PEX14: variants seen among roughly 807,000 people sequenced by gnomAD.
PEX14 encodes peroxisomal biogenesis factor 14.
PEX14 carries 15 observed loss-of-function variants against 49.5 expected under a neutral mutation model. The ratio of observed to expected loss-of-function variants is 0.30; its 90% confidence interval spans 0.20 to 0.47. PEX14 has a LOEUF of 0.47. Ranked by LOEUF, PEX14 falls within the 20% of genes least tolerant of loss-of-function variation. The pLI, the probability that PEX14 is intolerant of heterozygous loss-of-function variation, is 1.00. For synonymous variants in PEX14, 210 were observed against 212.7 expected (o/e 0.99, Z 0.11); for missense variants, 398 against 494.8 (o/e 0.80, Z 1.86).
chr1:10,595,561 A>G (rs899508065), intron 3 of PEX14, among the ~76,000 whole-genome samples: 1 of 152,206 alleles, frequency 6.6e-6, no homozygotes, highest in African/African-American at 2.4e-5. Context: ...GGTAATGCAT[A>G]TTGATACCTC....
chr1:10,553,418 C>T (rs997115820), intron 3 of PEX14, among the ~76,000 whole-genome samples: 7 of 152,156 alleles, frequency 4.6e-5, no homozygotes, highest in African/African-American at 1.4e-4. Flanking sequence ...TGGCCAGAGG[C>T]GGATGCCCCA....
chr1:10,534,097 T>G (rs1318681345), intron 2 of PEX14, among the ~76,000 whole-genome samples: 1 of 152,252 alleles, frequency 6.6e-6, no homozygotes, highest in Non-Finnish European at 1.5e-5. Flanking sequence ...GGAGCTGTAC[T>G]ACTAGCATCT....
chr1:10,592,923 A>C (rs1048795533), intron 3 of PEX14, among the ~76,000 whole-genome samples: 2 of 152,094 alleles, frequency 1.3e-5, no homozygotes, highest in African/African-American at 4.8e-5. Flanking sequence ...TGAAACCTCC[A>C]AACTTGGACG....
rs1156506630 is a variant in PEX14 at position 10,529,791 on chromosome 1, G to A, written c.85-6422G>A. Among the ~76,000 whole-genome samples the A allele has an allele frequency of 6.6e-6, 1 of 152,040 alleles. No homozygotes were observed. The highest frequency in any genetic ancestry group is 1.5e-5 in the Non-Finnish European group (1 of 68,020). ...TCAACTCCTGTGCACTTCTACCAGC[G>A]GAATTTTATTTCTTTAATGTGAAAA... On this transcript the variant is annotated intron_variant, in intron 2 of 8. Transcript: ENST00000356607. The surrounding 1 kb of genome is among the most constrained non-coding windows in gnomAD (Gnocchi z 4.2).
At chr1:10,606,975 C>T (rs1557870140) in intron 4 of PEX14, among the ~76,000 whole-genome samples, 1 of 152,180 alleles carries the variant, frequency 6.6e-6, no homozygotes, top group Non-Finnish European at 1.5e-5. Context: ...CATGACAGAA[C>T]ATTTCCAATA....
chr1:10,476,200 C>G (rs939530366), intron 1 of PEX14, among the ~76,000 whole-genome samples: 1 of 152,168 alleles, frequency 6.6e-6, no homozygotes. Context: ...ACGTCTGTTA[C>G]AAGAATTGAA....
At chr1:10,568,148 A>C (rs963444944) in intron 3 of PEX14, among the ~76,000 whole-genome samples, 2 of 152,186 alleles carry the variant, frequency 1.3e-5, no homozygotes, top group African/African-American at 4.8e-5. Context: ...TATATCTATT[A>C]CTACTTTTCT....
chr1:10,481,560 G>A (rs562247997), intron 1 of PEX14, among the ~76,000 whole-genome samples: 7 of 152,108 alleles, frequency 4.6e-5, no homozygotes, highest in Non-Finnish European at 1.0e-4. Flanking sequence ...TCCAGCCTCA[G>A]CCTCCCGAGT....
intron 3 of PEX14, among the ~76,000 whole-genome samples, chr1:10,567,208 A>G (rs1465142628): frequency 6.6e-6 from 1 of 152,048 alleles, no homozygotes; most frequent in Non-Finnish European, 1.5e-5. Context: ...CAGGCCATCC[A>G]AAAATAGACA....
intron 3 of PEX14, among the ~76,000 whole-genome samples, chr1:10,553,848 T>C (rs1026598988): frequency 2.0e-5 from 3 of 152,180 alleles, no homozygotes. Context: ...GTCAACCTGT[T>C]TGCTGATCTG....
chr1:10,604,175 G>T (rs964508475), intron 4 of PEX14, among the ~76,000 whole-genome samples: 1 of 152,172 alleles, frequency 6.6e-6, no homozygotes, highest in Admixed American at 6.5e-5. Context: ...AGGTGGTCCC[G>T]GTGAGGACGG....
At chr1:10,625,128 C>T (rs767111388) in intron 7 of PEX14, among the ~76,000 whole-genome samples, 1 of 152,216 alleles carries the variant, frequency 6.6e-6, no homozygotes, top group African/African-American at 2.4e-5. Flanking sequence ...GCCATAACGG[C>T]ACCTAATTCC....
chr1:10,612,395 G>A (rs1258602425), intron 4 of PEX14, among the ~76,000 whole-genome samples: 3 of 151,890 alleles, frequency 2.0e-5, no homozygotes, highest in South Asian at 2.1e-4. Flanking sequence ...TATGCCTCTC[G>A]GTGTCCTTCC....
chr1:10,521,492 T>C (rs1638294197), intron 2 of PEX14, among the ~76,000 whole-genome samples: 1 of 152,270 alleles, frequency 6.6e-6, no homozygotes, highest in Admixed American at 6.5e-5. Flanking sequence ...TCTGTAATCC[T>C]ACTTTGAAGA....
intron 3 of PEX14, among the ~76,000 whole-genome samples, chr1:10,580,119 A>G (rs1640269438): frequency 6.6e-6 from 1 of 152,190 alleles, no homozygotes; most frequent in Non-Finnish European, 1.5e-5. Context: ...GACTAAAGCA[A>G]TAACAATAAT....
chr1:10,558,505 C>T (rs1398139212), intron 3 of PEX14, among the ~76,000 whole-genome samples: 4 of 151,866 alleles, frequency 2.6e-5, no homozygotes, highest in African/African-American at 9.7e-5. Flanking sequence ...GAGGCCGAGA[C>T]AGGTAGATCA....
intron 4 of PEX14, among the ~76,000 whole-genome samples, chr1:10,611,040 A>T (rs890712674): frequency 5.3e-5 from 8 of 151,862 alleles, no homozygotes; most frequent in African/African-American, 1.9e-4. Context: ...TGAGGTCAGG[A>T]GTTTGAGGTC....
intron 2 of PEX14, chr1:10,524,425 G>T: frequency 1.0e-6 from 1 of 955,634 alleles, no homozygotes; most frequent in Non-Finnish European, 1.2e-6. Flanking sequence ...GGAAGAATTT[G>T]AAAGGAGTTA....
chr1:10,619,759 A>G (rs1247904422), intron 5 of PEX14, among the ~76,000 whole-genome samples: 1 of 152,188 alleles, frequency 6.6e-6, no homozygotes, highest in Non-Finnish European at 1.5e-5. Context: ...AGCAGAATAT[A>G]ATTTTTTAAG....
Sources: gnomAD v4.1 joint callset for allele counts (sites outside exome capture counted in the v4.1 genomes callset) on GRCh38, gnomAD v4.1.1 for gene constraint, Gnocchi (gnomAD v3.1) non-coding constraint, MANE v1.5 for transcripts, NCBI Gene and HGNC (gene_info 2026-07-23, HGNC 2026-07-21) for gene names.